TSNARE1: variants seen among roughly 807,000 people sequenced by gnomAD.
TSNARE1 encodes t-SNARE domain containing 1.
A neutral mutation model predicts 62.0 loss-of-function variants in TSNARE1; 49 were observed. That is an observed-to-expected ratio of 0.79 (90% CI 0.63 to 1.00). TSNARE1 has a LOEUF of 1.00. Ranked by LOEUF, TSNARE1 falls within the 50% of genes least tolerant of loss-of-function variation. The probability of loss-of-function intolerance (pLI) is 0.00; values close to 1 mark genes in which losing one functional copy is unlikely to be tolerated. For missense variants in TSNARE1, 755 were observed against 700.1 expected, an observed-to-expected ratio of 1.08 and a Z score of -0.88; for synonymous variants, 328 against 294.4, an observed-to-expected ratio of 1.11 and a Z score of -1.17.
intron 1 of TSNARE1, among the ~76,000 whole-genome samples, chr8:142,359,192 G>A (rs1479881560): frequency 6.6e-6 from 1 of 151,976 alleles, no homozygotes; most frequent in African/African-American, 2.4e-5. Flanking sequence ...GGCCAGCCAG[G>A]TGCTCCCATC....
At chr8:142,301,687 A>T (rs1321792425) in intron 9 of TSNARE1, among the ~76,000 whole-genome samples, 1 of 152,142 alleles carries the variant, frequency 6.6e-6, no homozygotes, top group Non-Finnish European at 1.5e-5. Context: ...AAAAAGGGAG[A>T]CAGGAAAAGG....
chr8:142,277,985 T>C (rs1370211962), intron 11 of TSNARE1: 2 of 985,304 alleles, frequency 2.0e-6, no homozygotes, highest in African/African-American at 3.5e-5. Context: ...CATAGGACCC[T>C]TGGCTGCAAG....
intron 12 of TSNARE1, chr8:142,269,849 G>A (rs1819369424): frequency 1.0e-6 from 1 of 985,428 alleles, no homozygotes; most frequent in Non-Finnish European, 1.2e-6. Context: ...GAAGGCAGCT[G>A]GACATGTGGC....
At chr8:142,282,373 G>A (rs939454338) in intron 11 of TSNARE1, among the ~76,000 whole-genome samples, 10 of 152,262 alleles carry the variant, frequency 6.6e-5, no homozygotes, top group Middle Eastern at 3.2e-3. Flanking sequence ...GTCAACGAGC[G>A]GAGCAGGGAC....
intron 1 of TSNARE1, among the ~76,000 whole-genome samples, chr8:142,373,631 C>T (rs1240847400): frequency 6.7e-6 from 1 of 150,224 alleles, no homozygotes; most frequent in African/African-American, 2.5e-5. Flanking sequence ...CCACCCCCAC[C>T]CCTCCTTCTA....
At chr8:142,399,429 T>C (rs138410288) in intron 1 of TSNARE1, among the ~76,000 whole-genome samples, 46 of 152,154 alleles carry the variant, frequency 3.0e-4, no homozygotes, top group Non-Finnish European at 5.1e-4. Flanking sequence ...TGTGGAAAGG[T>C]ACAGAGTCCA....
intron 13 of TSNARE1, among the ~76,000 whole-genome samples, chr8:142,226,988 C>A (rs1177817546): frequency 2.9e-5 from 4 of 135,966 alleles, no homozygotes; most frequent in East Asian, 2.1e-4. Context: ...AGCAAGGCCC[C>A]CCACTGCACC....
chr8:142,320,990 C>T (rs949866244), intron 6 of TSNARE1, among the ~76,000 whole-genome samples: 5 of 152,224 alleles, frequency 3.3e-5, no homozygotes, highest in Non-Finnish European at 7.3e-5. Flanking sequence ...TTGTGCCTCC[C>T]TCACAAACTG....
At chr8:142,336,834 G>A (rs748419812) in intron 4 of TSNARE1, among the ~76,000 whole-genome samples, 1 of 152,164 alleles carries the variant, frequency 6.6e-6, no homozygotes, top group Non-Finnish European at 1.5e-5. Flanking sequence ...TCTGAAAAGA[G>A]AACTAGAAAT....
chr8:142,279,855 C>T, intron 11 of TSNARE1: 1 of 1,029,808 alleles, frequency 9.7e-7, no homozygotes, highest in Non-Finnish European at 1.2e-6. Context: ...GGAAGGCCCA[C>T]TTACTTGGCA....
At chr8:142,228,392 C>T (rs1816937817) in intron 13 of TSNARE1, among the ~76,000 whole-genome samples, 1 of 152,208 alleles carries the variant, frequency 6.6e-6, no homozygotes, top group Non-Finnish European at 1.5e-5. Context: ...GGGCCCTGTG[C>T]CCTGGGGACA....
intron 13 of TSNARE1, among the ~76,000 whole-genome samples, chr8:142,223,297 A>AT (rs1816570948): frequency 2.3e-4 from 1 of 4,324 alleles, no homozygotes; most frequent in Admixed American, 2.2e-3. Context: ...TACTCACTCA[A>AT]CCACTCACTC....
chr8:142,236,832 G>A (rs1272417896), intron 12 of TSNARE1, among the ~76,000 whole-genome samples: 1 of 152,162 alleles, frequency 6.6e-6, no homozygotes, highest in Non-Finnish European at 1.5e-5. Flanking sequence ...AGGTGCTGGG[G>A]ATGTCAGGGA....
chr8:142,357,079 A>G (rs1586999055), intron 1 of TSNARE1, among the ~76,000 whole-genome samples: 2 of 152,158 alleles, frequency 1.3e-5, no homozygotes, highest in South Asian at 4.1e-4. Context: ...GCAGAGTCAG[A>G]GGAAACCACC....
chr8:142,318,688 G>A (rs977762994), intron 6 of TSNARE1, 54 bp from the exon 7 acceptor site: 2 of 1,582,284 alleles, frequency 1.3e-6, no homozygotes, highest in Non-Finnish European at 1.7e-6. Flanking sequence ...GCAGCAGAGA[G>A]CAAGGGCCCA....
chr8:142,320,260 C>A (rs1829280567), intron 6 of TSNARE1, among the ~76,000 whole-genome samples: 1 of 152,206 alleles, frequency 6.6e-6, no homozygotes, highest in Non-Finnish European at 1.5e-5. Context: ...ACATCTCATT[C>A]CGGTCAAAGC....
chr8:142,247,464 C>T (rs1462954660), intron 12 of TSNARE1: 1 of 152,246 alleles, frequency 6.6e-6, no homozygotes, highest in African/African-American at 2.4e-5. Flanking sequence ...TGTCCTATGC[C>T]TGTCTCACCC....
intron 6 of TSNARE1, among the ~76,000 whole-genome samples, chr8:142,323,763 C>T (rs1446381326): frequency 6.6e-6 from 1 of 152,218 alleles, no homozygotes; most frequent in African/African-American, 2.4e-5. Flanking sequence ...TTCCCACTCG[C>T]CATCACGAGG....
chr8:142,313,220 G>C (rs1341827205), intron 9 of TSNARE1, among the ~76,000 whole-genome samples: 16 of 152,048 alleles, frequency 1.1e-4, no homozygotes. Context: ...GTGTCTGCGT[G>C]TCTGTGTTTA....
Sources: gnomAD v4.1 joint callset for allele counts (sites outside exome capture counted in the v4.1 genomes callset) on GRCh38, gnomAD v4.1.1 for gene constraint, MANE v1.5 for transcripts, NCBI Gene and HGNC (gene_info 2026-07-23, HGNC 2026-07-21) for gene names.